RGSL1: variants seen among roughly 807,000 people sequenced by gnomAD.
The protein encoded by RGSL1 is regulator of G protein signaling protein-like.
Under a neutral mutation model 124.7 loss-of-function variants are expected in RGSL1, and 97 were observed. The observed-to-expected ratio is 0.78, with a 90% CI of 0.66 to 0.92. The LOEUF (loss-of-function observed/expected upper bound fraction) is 0.92. Among genes scored for constraint, RGSL1 ranks in the 40% least tolerant of loss-of-function variants. RGSL1 has a pLI of 0.00. For missense variants in RGSL1, 1,233 were observed against 1,288.4 expected (o/e 0.96, Z 0.66); for synonymous variants, 424 against 438.1 (o/e 0.97, Z 0.40).
At chr1:182,513,405 A>C (rs1657618482) in intron 9 of RGSL1, among the ~76,000 whole-genome samples, 1 of 152,278 alleles carries the variant, frequency 6.6e-6, no homozygotes. Context: ...TGCATGGGTT[A>C]AACATGTGTA....
At chr1:182,461,317 T>A (rs1184595858) in intron 4 of RGSL1, among the ~76,000 whole-genome samples, 1 of 151,042 alleles carries the variant, frequency 6.6e-6, no homozygotes. Flanking sequence ...CCTACAGTAA[T>A]AATAATAATA....
intron 9 of RGSL1, among the ~76,000 whole-genome samples, chr1:182,517,082 T>C (rs1657951055): frequency 6.6e-6 from 1 of 152,184 alleles, no homozygotes; most frequent in Non-Finnish European, 1.5e-5. Flanking sequence ...AGCTTTTGTT[T>C]CTCTAGGGAA....
chr1:182,462,519 G>A (rs1317881272), intron 4 of RGSL1, among the ~76,000 whole-genome samples: 1 of 151,882 alleles, frequency 6.6e-6, no homozygotes, highest in Non-Finnish European at 1.5e-5. Flanking sequence ...GTTTTTTCAA[G>A]ATTTAAGAGA....
rs141279993 is a variant in RGSL1, at chr1:182,501,307, C to CTTTTTTTTTTTTTTTTTTTTTT, written c.1825+8187_1825+8208dup. 2.8e-4 allele frequency among the ~76,000 whole-genome samples: 17 copies of CTTTTTTTTTTTTTTTTTTTTTT among 61,348 alleles called. 1 individual carries two copies. Among genetic ancestry groups the CTTTTTTTTTTTTTTTTTTTTTT allele is most frequent in the East Asian group, 1.8e-3 (3 of 1,714 alleles). 40.2% of individuals were successfully genotyped at this position (61,348 alleles called of 152,430 possible). A position where few individuals can be genotyped will look rare whatever the true frequency, so the allele number is the denominator to read the frequency against. On this transcript the variant is annotated intron_variant, in intron 9 of 21. Coordinates refer to ENST00000294854, the MANE Select transcript of RGSL1 (RefSeq NM_001137669.2). ...TTTCTTTTCTTTTCTTTTTTCTTTT[C>CTTTTTTTTTTTTTTTTTTTTTT]TTTTTTTTTTTTTTTTTTTTTTTTT...
chr1:182,492,999 C>A, intron 8 of RGSL1, 23 bp from the exon 9 acceptor site: 1 of 1,453,216 alleles, frequency 6.9e-7, no homozygotes, highest in South Asian at 1.2e-5. Context: ...TAAACTCTAT[C>A]TCTGTTTTTC....
chr1:182,492,663 G>T, intron 8 of RGSL1, among the ~76,000 whole-genome samples: 1 of 144,476 alleles, frequency 6.9e-6, no homozygotes, highest in Admixed American at 7.0e-5. Context: ...CTCCCTCTGT[G>T]GCCCAGGCTG....
intron 21 of RGSL1, among the ~76,000 whole-genome samples, chr1:182,558,144 A>T (rs1423139715): frequency 6.6e-6 from 1 of 152,216 alleles, no homozygotes; most frequent in Non-Finnish European, 1.5e-5. Flanking sequence ...AACAAAACTT[A>T]GTTAGGGACA....
intron 15 of RGSL1, among the ~76,000 whole-genome samples, chr1:182,547,934 C>T (rs1372359710): frequency 6.6e-6 from 1 of 152,158 alleles, no homozygotes; most frequent in Non-Finnish European, 1.5e-5. Context: ...GCCTAAAGTG[C>T]TCTACAGGAG....
intron 4 of RGSL1, among the ~76,000 whole-genome samples, chr1:182,469,037 C>T (rs1653591444): frequency 6.6e-6 from 1 of 151,894 alleles, no homozygotes; most frequent in African/African-American, 2.4e-5. Flanking sequence ...GGATTGAAGA[C>T]CTAAATTTAA....
intron 3 of RGSL1, among the ~76,000 whole-genome samples, chr1:182,458,638 A>AT (rs1173837468): frequency 2.0e-5 from 3 of 151,704 alleles, no homozygotes; most frequent in African/African-American, 4.8e-5. Flanking sequence ...TGCCTGGCTA[A>AT]TTTTTTGTAT....
intron 8 of RGSL1, among the ~76,000 whole-genome samples, chr1:182,489,643 C>T (rs559604646): frequency 5.3e-5 from 8 of 152,364 alleles, no homozygotes; most frequent in African/African-American, 1.9e-4. Context: ...TAACATAACA[C>T]ACCAGCCCAC....
At chr1:182,476,553 C>T (rs1050148368) in intron 6 of RGSL1, among the ~76,000 whole-genome samples, 6 of 152,166 alleles carry the variant, frequency 3.9e-5, no homozygotes, top group African/African-American at 1.4e-4. Flanking sequence ...TAACTGATGC[C>T]TCGGTGTCTA....
intron 12 of RGSL1, 24 bp downstream of exon 12, chr1:182,530,385 G>A (rs1485130500): frequency 1.3e-6 from 2 of 1,524,238 alleles, no homozygotes; most frequent in African/African-American, 1.4e-5. Context: ...ATTAAGGAAA[G>A]GATTCTTCCT....
chr1:182,482,909 T>C (rs1212671059), intron 6 of RGSL1, among the ~76,000 whole-genome samples: 2 of 152,214 alleles, frequency 1.3e-5, no homozygotes, highest in Admixed American at 1.3e-4. Flanking sequence ...GAAAATGTGG[T>C]GTATATGATG....
At chr1:182,495,382 C>T (rs1655836584) in intron 9 of RGSL1, among the ~76,000 whole-genome samples, 1 of 151,832 alleles carries the variant, frequency 6.6e-6, no homozygotes, top group African/African-American at 2.4e-5. Context: ...TTTTGGAGGG[C>T]TTTAAGATGC....
At chr1:182,509,821 C>G (rs1260494370) in intron 9 of RGSL1, among the ~76,000 whole-genome samples, 4 of 129,574 alleles carry the variant, frequency 3.1e-5, no homozygotes, top group Admixed American at 1.4e-4. Context: ...GGGGCTGACC[C>G]CCCCCCACCT....
At position 182,454,035 on chromosome 1, in the gene RGSL1, C is replaced by G. The variant is rs1359838577; in HGVS notation, c.91C>G (p.Leu31Val). Residue 31 changes from leucine to valine, a missense_variant, in exon 2 of 22, where the codon CTC (leucine) becomes GTC (valine). By Grantham distance (32) the Leu-to-Val change is conservative. Transcript: ENST00000294854. ...FADFFNTFLS[L>V]PVFGQTPFYT... Reference sequence around the variant, plus strand: ...CGATTTTTTCAACACATTTCTTTCCCTCCCGGTAAGCATTCTCAGATTTAA... The same window carrying G: ...CGATTTTTTCAACACATTTCTTTCCGTCCCGGTAAGCATTCTCAGATTTAA... The G allele has an allele frequency of 6.6e-7, 1 of 1,509,760 alleles. No homozygotes were observed. Among genetic ancestry groups the G allele is most frequent in the Admixed American group, 2.0e-5 (1 of 50,928 alleles). 93.5% of individuals were successfully genotyped at this position (1,509,760 alleles called of 1,614,324 possible).
At chr1:182,487,878 T>C (rs1655211487) in intron 6 of RGSL1, among the ~76,000 whole-genome samples, 1 of 152,218 alleles carries the variant, frequency 6.6e-6, no homozygotes, top group Non-Finnish European at 1.5e-5. Flanking sequence ...TAAAATGTTA[T>C]TCACAAAAGG....
intron 8 of RGSL1, among the ~76,000 whole-genome samples, chr1:182,490,187 A>T (rs1286111653): frequency 6.6e-6 from 1 of 152,176 alleles, no homozygotes; most frequent in Non-Finnish European, 1.5e-5. Context: ...GTGAGTCATG[A>T]CCTACACTTT....
Sources: allele counts gnomAD v4.1 joint callset (sites outside exome capture counted in the v4.1 genomes callset), GRCh38; gene constraint gnomAD v4.1.1; transcripts MANE v1.5; gene names NCBI Gene and HGNC (gene_info 2026-07-23, HGNC 2026-07-21).